Variants in FOXP2 observed in about 807,000 individuals in gnomAD.
FOXP2 encodes forkhead box protein P2.
Under a neutral mutation model 115.8 loss-of-function variants are expected in FOXP2, and 12 were observed. The ratio of observed to expected loss-of-function variants is 0.10; its 90% CI spans 0.07 to 0.17. The LOEUF (loss-of-function observed/expected upper bound fraction) is 0.17, where lower values mean the gene tolerates loss of function less well. Ranked by LOEUF, FOXP2 falls within the 10% of genes least tolerant of loss-of-function variation. The pLI is 1.00. For missense variants in FOXP2, 629 were observed against 843.5 expected (o/e 0.75, Z 3.15); for synonymous variants, 328 against 297.7 (o/e 1.10, Z -1.05).
chr7:114,207,978 T>C (rs1794243039), intron 1 of FOXP2, among the ~76,000 whole-genome samples: 1 of 152,206 alleles, frequency 6.6e-6, no homozygotes, highest in Non-Finnish European at 1.5e-5. Context: ...CTGGACAACA[T>C]GTGTGAGAGT....
intron 1 of FOXP2, among the ~76,000 whole-genome samples, chr7:114,145,453 T>TTTCTTTTC (rs1792342361): frequency 8.6e-6 from 1 of 116,916 alleles, no homozygotes; most frequent in Non-Finnish European, 1.7e-5. Context: ...TTTCTTTTCT[T>TTTCTTTTC]TTCTTTTCTT....
At chr7:114,675,895 T>A (rs1005539011) in intron 16 of FOXP2, among the ~76,000 whole-genome samples, 2 of 150,948 alleles carry the variant, frequency 1.3e-5, no homozygotes, top group Non-Finnish European at 3.0e-5. Flanking sequence ...TTTTCTTTAT[T>A]TTATTTTATT....
chr7:114,541,661 T>G (rs1799670277), intron 3 of FOXP2, among the ~76,000 whole-genome samples: 1 of 151,766 alleles, frequency 6.6e-6, no homozygotes. Flanking sequence ...AAATGTACTT[T>G]TGCTTCTCAG....
chr7:114,384,582 C>G (rs1446719052), intron 2 of FOXP2, among the ~76,000 whole-genome samples: 2 of 152,060 alleles, frequency 1.3e-5, no homozygotes, highest in Non-Finnish European at 2.9e-5. Context: ...GGAGTTCCTC[C>G]TAGGTCTGGT....
At chr7:114,373,751 G>A (rs1334200459) in intron 2 of FOXP2, among the ~76,000 whole-genome samples, 1 of 152,154 alleles carries the variant, frequency 6.6e-6, no homozygotes, top group Non-Finnish European at 1.5e-5. Flanking sequence ...GAGGCTCTGG[G>A]CTAGGTACTT....
chr7:114,197,372 A>G (rs1358948252), intron 1 of FOXP2, among the ~76,000 whole-genome samples: 1 of 152,200 alleles, frequency 6.6e-6, no homozygotes, highest in Non-Finnish European at 1.5e-5. Flanking sequence ...CAGAATGGTC[A>G]GGTTCTGGTG....
At chr7:114,206,354 A>G (rs1794201737) in intron 1 of FOXP2, among the ~76,000 whole-genome samples, 1 of 151,972 alleles carries the variant, frequency 6.6e-6, no homozygotes, top group South Asian at 2.1e-4. Flanking sequence ...CTCACATATT[A>G]TGTTTCTGAC....
intron 2 of FOXP2, among the ~76,000 whole-genome samples, chr7:114,469,143 C>T: frequency 6.6e-6 from 1 of 152,152 alleles, no homozygotes; most frequent in East Asian, 1.9e-4. Context: ...AGAATCAGAG[C>T]TGTCCCCTTG....
At chr7:114,446,071 A>C (rs1794824719) in intron 2 of FOXP2, among the ~76,000 whole-genome samples, 1 of 125,840 alleles carries the variant, frequency 7.9e-6, no homozygotes, top group African/African-American at 2.7e-5. Flanking sequence ...TTAAAAAGAT[A>C]TCATAAGTCT....
chr7:114,178,224 G>A (rs1404517406), intron 1 of FOXP2, among the ~76,000 whole-genome samples: 10 of 151,816 alleles, frequency 6.6e-5, no homozygotes, highest in Non-Finnish European at 1.5e-5. Flanking sequence ...TCATTATGAT[G>A]TTGCCATGAA....
rs557979664 is a variant in FOXP2 at position 114,247,058 on chromosome 7, T to G, written c.-101-40961T>G. On this transcript the variant is annotated intron_variant, in intron 1 of 17. Transcript: ENST00000634411. ...TGCATTTTGTTTAAAGTTGTTTCTA[T>G]GTATCATTTTTTATTCTTTATCACT... Among the ~76,000 whole-genome samples the G allele has an allele frequency of 2.0e-5, 3 of 152,340 alleles. No individual in the cohort carries two copies. The East Asian group carries it at 5.8e-4, about 29-fold the overall frequency.
At chr7:114,368,504 G>A (rs1791931291) in intron 2 of FOXP2, among the ~76,000 whole-genome samples, 1 of 152,166 alleles carries the variant, frequency 6.6e-6, no homozygotes, top group African/African-American at 2.4e-5. Context: ...AGGCTGCGTT[G>A]ATCATAGTCA....
chr7:114,378,613 G>A (rs914264498), intron 2 of FOXP2, among the ~76,000 whole-genome samples: 3 of 138,416 alleles, frequency 2.2e-5, no homozygotes, highest in Admixed American at 7.9e-5. Context: ...GAGTCCAAGA[G>A]TTTAAGGCTG....
At chr7:114,298,236 G>A (rs568837281) in intron 2 of FOXP2, among the ~76,000 whole-genome samples, 4 of 152,180 alleles carry the variant, frequency 2.6e-5, no homozygotes, top group South Asian at 2.1e-4. Flanking sequence ...GAAGAGCTGC[G>A]TTTGTTAAGT....
intron 1 of FOXP2, among the ~76,000 whole-genome samples, chr7:114,251,984 A>T (rs1168887897): frequency 1.3e-5 from 2 of 152,170 alleles, no homozygotes; most frequent in Admixed American, 6.5e-5. Context: ...TAATTTATTG[A>T]GCGTTTTTAG....
chr7:114,266,070 A>C (rs761930843), intron 1 of FOXP2, among the ~76,000 whole-genome samples: 14 of 148,790 alleles, frequency 9.4e-5, no homozygotes, highest in Non-Finnish European at 2.1e-4. Context: ...TAGCACTTCA[A>C]TGAAAAAAAA....
chr7:114,526,296 G>A (rs1798858160), intron 2 of FOXP2, among the ~76,000 whole-genome samples: 1 of 150,680 alleles, frequency 6.6e-6, no homozygotes, highest in South Asian at 2.1e-4. Flanking sequence ...GGCCAACGTG[G>A]CGAAACTATG....
At chr7:114,282,896 T>A (rs577874462) in intron 1 of FOXP2, among the ~76,000 whole-genome samples, 8 of 152,198 alleles carry the variant, frequency 5.3e-5, no homozygotes, top group Non-Finnish European at 8.8e-5. Context: ...AAAGAAAATG[T>A]CTGCTACATA....
intron 3 of FOXP2, among the ~76,000 whole-genome samples, chr7:114,627,871 T>C (rs1406049995): frequency 2.0e-5 from 3 of 152,114 alleles, no homozygotes; most frequent in South Asian, 2.1e-4. Flanking sequence ...ACTAGTTATA[T>C]GAGTTCTTCT....
Sources: gnomAD v4.1 joint callset for allele counts (sites outside exome capture counted in the v4.1 genomes callset) on GRCh38, gnomAD v4.1.1 for gene constraint, MANE v1.5 for transcripts, NCBI Gene and HGNC (gene_info 2026-07-23, HGNC 2026-07-21) for gene names.